SSBP2: variants seen among roughly 807,000 people sequenced by gnomAD.
The protein encoded by SSBP2 is single stranded DNA binding protein 2.
SSBP2 carries 17 observed loss-of-function variants against 61.8 expected under a neutral mutation model. The ratio of observed to expected loss-of-function variants is 0.28; its 90% confidence interval spans 0.19 to 0.41. The LOEUF (loss-of-function observed/expected upper bound fraction) is 0.41. Among genes scored for constraint, SSBP2 ranks in the 10% least tolerant of loss-of-function variants. SSBP2 has a pLI of 1.00. For synonymous variants in SSBP2, 139 were observed against 141.3 expected, an observed-to-expected ratio of 0.98 and a Z score of 0.12; for missense variants, 310 against 458.7, an observed-to-expected ratio of 0.68 and a Z score of 2.96.
rs1027542855 is a variant in SSBP2 at position 81,419,284 on chromosome 5, G to T, written c.*1220C>A. 5 of 152,138 alleles carry T rather than the reference G, an allele frequency of 3.3e-5. No individual in the cohort carries two copies. Among genetic ancestry groups the T allele is most frequent in the Admixed American group, 6.6e-5 (1 of 15,266 alleles). The allele number at this position is 152,138 out of a possible 1,614,324, so 9.4% of individuals were successfully genotyped here. A position where few individuals can be genotyped will look rare whatever the true frequency, so the allele number is the denominator to read the frequency against. ...CCTGAATAAAAGCCTTATATTCCAG[G>T]AACAGAGCAGAGGCTCCCTGGCCAG... On this transcript the variant is annotated 3_prime_UTR_variant, in exon 17 of 17. Transcript: ENST00000320672.
chr5:81,609,353 C>T (rs1745212399), intron 4 of SSBP2, among the ~76,000 whole-genome samples: 1 of 152,148 alleles, frequency 6.6e-6, no homozygotes, highest in Admixed American at 6.5e-5. Flanking sequence ...CTTGTCTTAT[C>T]CAAATCCTAG....
chr5:81,508,740 T>G (rs964048841), intron 5 of SSBP2, among the ~76,000 whole-genome samples: 1 of 152,208 alleles, frequency 6.6e-6, no homozygotes, highest in African/African-American at 2.4e-5. Context: ...AAGAGGGAGC[T>G]TGTTCTGTAA....
chr5:81,501,477 C>G (rs1767760745), intron 5 of SSBP2, among the ~76,000 whole-genome samples: 1 of 149,744 alleles, frequency 6.7e-6, no homozygotes, highest in South Asian at 2.1e-4. Flanking sequence ...TTATACTTTA[C>G]TCTTTTTTGA....
chr5:81,496,240 C>T (rs1395035850), intron 5 of SSBP2, among the ~76,000 whole-genome samples: 4 of 152,120 alleles, frequency 2.6e-5, no homozygotes, highest in African/African-American at 9.6e-5. Context: ...AGTGCAGTGG[C>T]GCGATCTCGG....
Position 81,499,017 on chromosome 5 carries a change from T to C in SSBP2, c.373-9708A>G, listed in dbSNP as rs549832365. Among the ~76,000 whole-genome samples the C allele has an allele frequency of 5.3e-5, 8 of 152,298 alleles. No homozygotes were observed. In the South Asian group the frequency reaches 1.7e-3, roughly 32 times the overall value. ...ATCTTAATTTGTTTAGTTTCCTTTC[T>C]GTTTTTCATGAACATCTCCATCAGA... On this transcript the variant is annotated intron_variant, in intron 5 of 16. Transcript: ENST00000320672.
At chr5:81,499,269 T>C (rs1767520078) in intron 5 of SSBP2, among the ~76,000 whole-genome samples, 1 of 152,210 alleles carries the variant, frequency 6.6e-6, no homozygotes. Flanking sequence ...CCAGTTTCCT[T>C]GATGCTATTT....
At chr5:81,504,486 T>C (rs1399361510) in intron 5 of SSBP2, among the ~76,000 whole-genome samples, 1 of 152,222 alleles carries the variant, frequency 6.6e-6, no homozygotes, top group African/African-American at 2.4e-5. Context: ...ACAGTCATGC[T>C]TTGAACTGGA....
At position 81,420,294 on chromosome 5, in the gene SSBP2, A is replaced by G. The variant is rs1036030699; in HGVS notation, c.*210T>C. ...ATTATTTGCAGTTCAGTTTAGGGCA[A>G]TTCTAATATGCCACTCCGTACAGTT... On this transcript the variant is annotated 3_prime_UTR_variant, in exon 17 of 17. Transcript: ENST00000320672. 6 of 591,292 alleles carry G rather than the reference A, an allele frequency of 1.0e-5. No homozygotes were observed. The highest frequency in any genetic ancestry group is 1.8e-5 in the Non-Finnish European group (6 of 330,304). The allele number at this position is 591,292 out of a possible 1,614,324, so 36.6% of individuals were successfully genotyped here.
intron 1 of SSBP2, among the ~76,000 whole-genome samples, chr5:81,686,873 GAAAAGA>G (rs1561692126): frequency 1.6e-3 from 25 of 15,730 alleles, no homozygotes; most frequent in Admixed American, 0.014. Context: ...AAAAAAAAAA[GAAAAGA>G]AAAGAAAAGA....
intron 4 of SSBP2, among the ~76,000 whole-genome samples, chr5:81,554,964 G>A (rs1270531162): frequency 5.3e-5 from 8 of 152,118 alleles, no homozygotes; most frequent in Non-Finnish European, 2.9e-5. Context: ...TTTATAGTGA[G>A]CATCTGGGTA....
At chr5:81,635,531 A>T (rs1308324713) in intron 3 of SSBP2, among the ~76,000 whole-genome samples, 1 of 151,970 alleles carries the variant, frequency 6.6e-6, no homozygotes, top group African/African-American at 2.4e-5. Flanking sequence ...ATAATTACCT[A>T]TACAGAAGTC....
At chr5:81,726,950 T>G (rs1477271405) in intron 1 of SSBP2, among the ~76,000 whole-genome samples, 2 of 152,246 alleles carry the variant, frequency 1.3e-5, no homozygotes, top group Non-Finnish European at 2.9e-5. Context: ...GCACTTACTC[T>G]GTACGCCATT....
At chr5:81,536,045 A>G (rs535343214) in intron 4 of SSBP2, among the ~76,000 whole-genome samples, 1 of 152,252 alleles carries the variant, frequency 6.6e-6, no homozygotes, top group Admixed American at 6.5e-5. Flanking sequence ...TAAAAATGCA[A>G]TAATAATAAA....
At chr5:81,423,670 A>G (rs894533430) in intron 16 of SSBP2, among the ~76,000 whole-genome samples, 2 of 152,066 alleles carry the variant, frequency 1.3e-5, no homozygotes, top group East Asian at 3.9e-4. Context: ...GCTTGAACCC[A>G]GGAGGCGGAG....
chr5:81,694,554 T>C (rs1219082174), intron 1 of SSBP2, among the ~76,000 whole-genome samples: 1 of 152,102 alleles, frequency 6.6e-6, no homozygotes, highest in Non-Finnish European at 1.5e-5. Flanking sequence ...TTTTTTTCTA[T>C]CCACAGTAAA....
intron 16 of SSBP2, among the ~76,000 whole-genome samples, 176 bp downstream of exon 16, chr5:81,428,409 A>G (rs1252373875): frequency 1.3e-5 from 2 of 152,234 alleles, no homozygotes; most frequent in African/African-American, 2.4e-5. Flanking sequence ...AATAAAAAAG[A>G]AAAAGTTTGT....
chr5:81,585,032 A>C (rs949158058), intron 4 of SSBP2, among the ~76,000 whole-genome samples: 1 of 152,180 alleles, frequency 6.6e-6, no homozygotes, highest in African/African-American at 2.4e-5. Context: ...ATTACATAAG[A>C]AAAGTAGGTC....
intron 2 of SSBP2, among the ~76,000 whole-genome samples, chr5:81,638,965 C>G (rs389847): frequency 0.6 from 90,833 of 152,004 alleles, 27,576 homozygotes; most frequent in East Asian, 0.82. Flanking sequence ...CATTCTAAAG[C>G]TAACTCCATT....
chr5:81,521,763 T>G (rs1769503779), intron 4 of SSBP2, among the ~76,000 whole-genome samples: 1 of 152,024 alleles, frequency 6.6e-6, no homozygotes, highest in South Asian at 2.1e-4. Flanking sequence ...TGTTGTAATG[T>G]TGGAAAGTTG....
Sources: allele counts gnomAD v4.1 joint callset (sites outside exome capture counted in the v4.1 genomes callset), GRCh38; gene constraint gnomAD v4.1.1; transcripts MANE v1.5; gene names NCBI Gene and HGNC (gene_info 2026-07-23, HGNC 2026-07-21).